EVL: variants seen among roughly 807,000 people sequenced by gnomAD.
EVL encodes the protein ena/VASP-like protein.
Under a neutral mutation model 59.6 loss-of-function variants are expected in EVL, and 21 were observed. The ratio of observed to expected loss-of-function variants is 0.35; its 90% CI spans 0.25 to 0.51. EVL has a LOEUF of 0.51. Among genes scored for constraint, EVL ranks in the 20% least tolerant of loss-of-function variants. The probability of loss-of-function intolerance (pLI) is 0.97; values close to 1 mark genes in which losing one functional copy is unlikely to be tolerated. For synonymous variants in EVL, 198 were observed against 203.5 expected (o/e 0.97, Z 0.23); for missense variants, 462 against 546.6 (o/e 0.85, Z 1.54).
chr14:100,132,707 C>T lies in EVL; in HGVS notation c.840-12C>T, dbSNP rs1170475780. ...AGGAGCTGATCTGTATCTTCCCCTT[C>T]TCTGTGCCTAGGAGAAAAGCAGCCT... On this transcript the variant is annotated splice_polypyrimidine_tract_variant and intron_variant, in intron 7 of 13. Transcript: ENST00000392920. The T allele has an allele frequency of 1.2e-6, 2 of 1,614,166 alleles. No homozygotes were observed. The highest frequency in any genetic ancestry group is 1.7e-6 in the Non-Finnish European group (2 of 1,179,986).
chr14:99,994,497 A>G (rs970816855), intron 1 of EVL, among the ~76,000 whole-genome samples: 13 of 152,082 alleles, frequency 8.5e-5, no homozygotes, highest in Non-Finnish European at 7.4e-5. Flanking sequence ...AGTTATAACA[A>G]TCTACTTCAA....
In EVL at chr14:100,004,481, G is replaced by A. The variant is rs576066166; in HGVS notation, c.5+32424G>A. ...TAGTCAGTTCTTTAGTGTGTAAGTG[G>A]TTTTTTTTTTAACATCAAACTCAGT... is the stretch of plus-strand genomic sequence containing the variant. On this transcript the variant is annotated intron_variant, in intron 1 of 13. Transcript: ENST00000402714. 3.4e-3 allele frequency among the ~76,000 whole-genome samples: 504 copies of A among 149,804 alleles called. 3 individuals carry two copies. The highest frequency in any genetic ancestry group is 5.1e-3 in the Non-Finnish European group (345 of 67,032).
At position 100,128,471 on chromosome 14, in the gene EVL, C is replaced by T. The variant is rs747614488; in HGVS notation, c.488-48C>T. ...CCTGAGCTGAGAGCAGCAGGCTTGG[C>T]CCCCAGCTGGGTGCTGGAGCTGGCT... is the stretch of plus-strand genomic sequence containing the variant. On this transcript the variant is annotated intron_variant, in intron 5 of 13. Coordinates refer to ENST00000392920, the MANE Select transcript of EVL (RefSeq NM_016337.3). 4.4e-6 allele frequency: 7 copies of T among 1,591,984 alleles called. No individual in the cohort carries two copies. The East Asian group carries it at 1.3e-4, about 30-fold the overall frequency.
intron 4 of EVL, among the ~76,000 whole-genome samples, chr14:100,124,723 G>A (rs941299352): frequency 2.6e-5 from 4 of 152,176 alleles, no homozygotes; most frequent in East Asian, 1.9e-4. Context: ...AGGTGTAAGC[G>A]TACAGGCGTG....
intron 2 of EVL, among the ~76,000 whole-genome samples, chr14:100,086,429 A>G (rs2062444949): frequency 6.6e-6 from 1 of 152,248 alleles, no homozygotes; most frequent in African/African-American, 2.4e-5. Context: ...CACAAGGTCC[A>G]CCTTGTGCAG....
At chr14:100,037,820 T>C (rs578207542) in intron 1 of EVL, among the ~76,000 whole-genome samples, 3 of 152,164 alleles carry the variant, frequency 2.0e-5, no homozygotes, top group Non-Finnish European at 2.9e-5. Context: ...AGGCAATATA[T>C]AGTTATTTTC....
chr14:100,070,470 C>G (rs1280044233), intron 1 of EVL, among the ~76,000 whole-genome samples: 1 of 152,166 alleles, frequency 6.6e-6, no homozygotes, highest in African/African-American at 2.4e-5. Flanking sequence ...TCATTCTGTG[C>G]TGTTAATACC....
At chr14:100,104,902 CTTTTTTT>C (rs568203851) in intron 3 of EVL, among the ~76,000 whole-genome samples, 7 of 99,524 alleles carry the variant, frequency 7.0e-5, no homozygotes, top group Admixed American at 1.2e-4. Flanking sequence ...CCTCTCTTTA[CTTTTTTT>C]TTTTTTTTTT....
chr14:100,038,445 C>T (rs2061418824), intron 1 of EVL, among the ~76,000 whole-genome samples: 2 of 152,140 alleles, frequency 1.3e-5, no homozygotes, highest in Non-Finnish European at 1.5e-5. Context: ...AGGTTGCCCA[C>T]CACTGCCTCC....
chr14:100,083,298 T>A (rs1246612560), intron 1 of EVL, among the ~76,000 whole-genome samples: 5 of 152,150 alleles, frequency 3.3e-5, no homozygotes, highest in African/African-American at 9.7e-5. Context: ...ATCACTTGAT[T>A]TATGGTTCAT....
chr14:100,023,805 G>A (rs1396029629), intron 1 of EVL, among the ~76,000 whole-genome samples: 1 of 152,060 alleles, frequency 6.6e-6, no homozygotes, highest in African/African-American at 2.4e-5. Flanking sequence ...TCCTTCTACT[G>A]AACTGAAAGT....
chr14:100,070,062 T>C (rs1201160243), intron 1 of EVL, among the ~76,000 whole-genome samples: 63 of 122,386 alleles, frequency 5.1e-4, no homozygotes, highest in African/African-American at 1.8e-3. Flanking sequence ...CCTCCTCTCT[T>C]AAAAAAAAAA....
chr14:100,009,559 A>G (rs1324172387), intron 1 of EVL, among the ~76,000 whole-genome samples: 1 of 152,208 alleles, frequency 6.6e-6, no homozygotes, highest in Non-Finnish European at 1.5e-5. Flanking sequence ...CAATCATTCC[A>G]GTTCCCTAAC....
chr14:100,083,858 A>G (rs2140300399), intron 1 of EVL, among the ~76,000 whole-genome samples: 1 of 152,334 alleles, frequency 6.6e-6, no homozygotes, highest in South Asian at 2.1e-4. Flanking sequence ...TCTATGTCAT[A>G]TGCTCTAGAG....
chr14:100,015,420 C>T (rs1050029249), intron 1 of EVL, among the ~76,000 whole-genome samples: 2 of 152,136 alleles, frequency 1.3e-5, no homozygotes, highest in Non-Finnish European at 2.9e-5. Context: ...TTTGTTTCTC[C>T]GGAGAAGTCC....
At chr14:100,073,220 G>T (rs973033077) in intron 1 of EVL, among the ~76,000 whole-genome samples, 12 of 151,834 alleles carry the variant, frequency 7.9e-5, no homozygotes, top group African/African-American at 2.2e-4. Context: ...CTCTTGAAAA[G>T]TCTTGCTTCC....
chr14:100,050,475 G>A (rs944295409), intron 1 of EVL, among the ~76,000 whole-genome samples: 5 of 151,110 alleles, frequency 3.3e-5, no homozygotes, highest in African/African-American at 4.9e-5. Context: ...TCAGTCTTCC[G>A]AGTAGCTGGG....
chr14:99,988,731 G>A (rs1028186327), intron 1 of EVL, among the ~76,000 whole-genome samples: 4 of 152,198 alleles, frequency 2.6e-5, no homozygotes, highest in Admixed American at 6.5e-5. Flanking sequence ...TATCCATACA[G>A]TGCAATAAAA....
chr14:100,129,917 T>C (rs1413285618), intron 7 of EVL, among the ~76,000 whole-genome samples: 1 of 152,242 alleles, frequency 6.6e-6, no homozygotes, highest in East Asian at 1.9e-4. Context: ...AAATATTTCC[T>C]GAAGCATCTA....
Sources: gnomAD v4.1 joint callset for allele counts (sites outside exome capture counted in the v4.1 genomes callset) on GRCh38, gnomAD v4.1.1 for gene constraint, MANE v1.5 for transcripts, NCBI Gene and HGNC (gene_info 2026-07-23, HGNC 2026-07-21) for gene names.